Variants in CRAT observed in about 807,000 individuals in gnomAD.
CRAT encodes the protein carnitine O-acetyltransferase.
Under a neutral mutation model 73.7 loss-of-function variants are expected in CRAT, and 66 were observed. The ratio of observed to expected loss-of-function variants is 0.90; its 90% CI spans 0.73 to 1.10. CRAT has a LOEUF of 1.10. CRAT is among the 50% of genes least tolerant of loss of function. The pLI is 0.00. For synonymous variants in CRAT, 321 were observed against 343.2 expected (o/e 0.94, Z 0.71); for missense variants, 745 against 846.9 (o/e 0.88, Z 1.49).
Position 129,098,651 on chromosome 9 carries a change from C to G in CRAT, c.1086-1G>C. The G allele has an allele frequency of 1.2e-6, 2 of 1,601,820 alleles. No individual in the cohort carries two copies. Among genetic ancestry groups the G allele is most frequent in the Non-Finnish European group, 1.7e-6 (2 of 1,176,770 alleles). On this transcript the variant is annotated splice_acceptor_variant, in intron 8 of 13. Coordinates refer to ENST00000318080, the MANE Select transcript of CRAT (RefSeq NM_000755.5). LOFTEE classifies it high-confidence loss of function. Reference sequence around the variant, plus strand: ...AGACCGCACAAGCTCGGGTTTCTTCCTGCACAGTAAACGGGGCCTCAGGCT... The same window carrying G: ...AGACCGCACAAGCTCGGGTTTCTTCGTGCACAGTAAACGGGGCCTCAGGCT...
rs1847426918 is a variant in CRAT, at chr9:129,098,376, G to C, written c.1206-5C>G. 1.1e-5 allele frequency: 17 copies of C among 1,613,596 alleles called. No individual in the cohort carries two copies. The highest frequency in any genetic ancestry group is 1.3e-5 in the Non-Finnish European group (15 of 1,179,854). On this transcript the variant is annotated splice_polypyrimidine_tract_variant and splice_region_variant and intron_variant, in intron 9 of 13. Coordinates refer to ENST00000318080, the MANE Select transcript of CRAT (RefSeq NM_000755.5). ...ATATCCAGGTCCTGGATCATGCTGG[G>C]GGTGTGGGAAGAGCAGGTGAGGAGC...
At chr9:129,098,177 C>A (rs1419793089) in intron 10 of CRAT, 29 bp from the exon 11 acceptor site, 1 of 1,612,990 alleles carries the variant, frequency 6.2e-7, no homozygotes, top group East Asian at 2.2e-5. Context: ...AAGCACGCCC[C>A]TTGGAGGCGG....
Position 129,096,523 on chromosome 9 carries a change from G to A in CRAT, c.1528-388C>T, listed in dbSNP as rs113650560. 4.6e-3 allele frequency among the ~76,000 whole-genome samples: 704 copies of A among 152,348 alleles called. 1 individual carries two copies. Among genetic ancestry groups the A allele is most frequent in the Admixed American group, 7.4e-3 (113 of 15,308 alleles). On this transcript the variant is annotated intron_variant, in intron 12 of 13. Transcript: ENST00000318080. ...CTAAATGGACGTGTGCATGTAGCAC[G>A]GTCAGAGCCTGGACACACAGGTGCT... is the stretch of plus-strand genomic sequence containing the variant.
intron 2 of CRAT, among the ~76,000 whole-genome samples, chr9:129,104,636 G>A (rs1479003344): frequency 6.6e-6 from 1 of 151,180 alleles, no homozygotes; most frequent in Non-Finnish European, 1.5e-5. Flanking sequence ...ACAGGGTCTC[G>A]CTGTGTCATG....
At chr9:129,095,726 T>C in intron 13 of CRAT, 114 bp from the exon 14 acceptor site, 1 of 1,125,536 alleles carries the variant, frequency 8.9e-7, no homozygotes, top group Non-Finnish European at 1.3e-6. Context: ...GGGATCATGG[T>C]CTGTCCCCTG....
rs748007684 is a variant in CRAT, at chr9:129,103,913, TGGA to T, written c.410+272_410+274del. Among the ~76,000 whole-genome samples the T allele has an allele frequency of 6.6e-6, 1 of 152,094 alleles. No homozygotes were observed. Among genetic ancestry groups the T allele is most frequent in the Non-Finnish European group, 1.5e-5 (1 of 68,006 alleles). ...TGGGGTCGGGGAGAAGCCTCAGGTA[TGGA>T]GGAGGATGGGGCCTCTGCGAAGATG... On this transcript the variant is annotated intron_variant, in intron 3 of 13. Coordinates refer to ENST00000318080, the MANE Select transcript of CRAT (RefSeq NM_000755.5). This position sits in a 1 kb window ranked among gnomAD's most constrained non-coding sequence, Gnocchi z 4.6.
In CRAT at chr9:129,106,463, A is replaced by G. The variant is rs1174688824; in HGVS notation, c.291+1351T>C. Among the ~76,000 whole-genome samples the G allele has an allele frequency of 6.6e-6, 1 of 152,142 alleles. No individual in the cohort carries two copies. The highest frequency in any genetic ancestry group is 1.5e-5 in the Non-Finnish European group (1 of 68,026). On this transcript the variant is annotated intron_variant, in intron 2 of 13. Transcript: ENST00000318080. This position sits in a 1 kb window ranked among gnomAD's most constrained non-coding sequence, Gnocchi z 4.0. Reference sequence around the variant, plus strand: ...ACCCCGCAGGTATGGGTACTCCCCCAGCGAGAATCTGCCAGGTGGTGGCGG... The same window carrying G: ...ACCCCGCAGGTATGGGTACTCCCCCGGCGAGAATCTGCCAGGTGGTGGCGG...
In CRAT at chr9:129,107,989, G is replaced by T; in HGVS notation, c.116C>A (p.Pro39His). 6.3e-7 allele frequency: 1 copy of T among 1,596,264 alleles called. No homozygotes were observed. Among genetic ancestry groups the T allele is most frequent in the Non-Finnish European group, 8.5e-7 (1 of 1,173,254 alleles). The change falls in exon 2 of 14, where the codon CCC becomes CAC. Residue 39 changes from proline to histidine, a missense_variant. By Grantham distance (77) the Pro-to-His change is moderately conservative. Transcript: ENST00000318080. This position sits in a 1 kb window ranked among gnomAD's most constrained non-coding sequence, Gnocchi z 5.0. ...KAHQDALPRLPVPPLQQSLDH... is the reference protein window; with the variant it reads ...KAHQDALPRLHVPPLQQSLDH... ...CAGGGACTGCTGGAGAGGGGGCACGGGCAGCCGTGGCAGTGCATCCTGGTG... is the reference window on the plus strand; with the variant it reads ...CAGGGACTGCTGGAGAGGGGGCACGTGCAGCCGTGGCAGTGCATCCTGGTG...
rs552808792 is a variant in CRAT, at chr9:129,095,056, G to A, written c.*341C>T. On this transcript the variant is annotated 3_prime_UTR_variant, in exon 14 of 14. Transcript: ENST00000318080. The stretch of plus-strand genomic sequence containing the variant: ...GGCAGGGAGTGGCCGGGGCTGAGCT[G>A]GTGAGACAAAGAGCTCTTGCCAGTC... 122 of 353,660 alleles carry A rather than the reference G, an allele frequency of 3.4e-4. No individual in the cohort carries two copies. The highest frequency in any genetic ancestry group is 2.4e-3 in the African/African-American group (116 of 48,128). The allele number at this position is 353,660 out of a possible 1,614,324, so 21.9% of individuals were successfully genotyped here.
At position 129,109,335 on chromosome 9, in the gene CRAT, G is replaced by A. The variant is rs370035393; in HGVS notation, c.27+1148C>T. ...CCAGGAAAAGGCCATCAGTGGATGG[G>A]ACAGCCAGAAGCCCTGCCTATTTCC... On this transcript the variant is annotated intron_variant, in intron 1 of 13. Transcript: ENST00000318080. 14 of 1,236,280 alleles carry A rather than the reference G, an allele frequency of 1.1e-5. 1 individual carries two copies. The Admixed American group carries it at 1.2e-4, about 10-fold the overall frequency. The allele number at this position is 1,236,280 out of a possible 1,614,324, so 76.6% of individuals were successfully genotyped here.
intron 11 of CRAT, chr9:129,097,778 C>A: frequency 1.8e-6 from 1 of 570,396 alleles, no homozygotes; most frequent in East Asian, 3.0e-5. Context: ...CAGGGCCTGA[C>A]ATAGGGCAGT....
At chr9:129,099,760 C>T in intron 8 of CRAT, 106 bp downstream of exon 8, 1 of 900,604 alleles carries the variant, frequency 1.1e-6, no homozygotes, top group Non-Finnish European at 1.7e-6. Context: ...AAAACAGATT[C>T]CCAGGCACAA....
intron 8 of CRAT, among the ~76,000 whole-genome samples, chr9:129,099,426 ATTT>A (rs55884891): frequency 4.0e-3 from 486 of 121,258 alleles, no homozygotes; most frequent in Middle Eastern, 9.7e-3. Context: ...ACCTGGCCTA[ATTT>A]TTTTTTTTTT....
intron 1 of CRAT, chr9:129,108,396 C>G: frequency 4.2e-6 from 5 of 1,199,390 alleles, no homozygotes; most frequent in Non-Finnish European, 5.2e-6. Flanking sequence ...GCACAGGCCC[C>G]TCCTTTCTCA....
Position 129,110,436 on chromosome 9 carries a change from C to A in CRAT, c.27+47G>T, listed in dbSNP as rs1210033542. 1 of 1,523,932 alleles carries A rather than the reference C, an allele frequency of 6.6e-7. No individual in the cohort carries two copies. The highest frequency in any genetic ancestry group is 1.4e-5 in the African/African-American group (1 of 69,922). The allele number at this position is 1,523,932 out of a possible 1,614,324, so 94.4% of individuals were successfully genotyped here. A position where few individuals can be genotyped will look rare whatever the true frequency, so the allele number is the denominator to read the frequency against. On this transcript the variant is annotated intron_variant, in intron 1 of 13. Transcript: ENST00000318080. This position sits in a 1 kb window ranked among gnomAD's most constrained non-coding sequence, Gnocchi z 5.3. ...CGTTCCCGGACGCAACCGCACGGCCCGCCCAGGCCGTCCAGGGCCCTCAGG... is the reference window on the plus strand; with the variant it reads ...CGTTCCCGGACGCAACCGCACGGCCAGCCCAGGCCGTCCAGGGCCCTCAGG...
intron 1 of CRAT, 135 bp from the exon 2 acceptor site, chr9:129,108,212 C>T (rs1848143164): frequency 8.1e-7 from 1 of 1,230,688 alleles, no homozygotes; most frequent in Non-Finnish European, 1.1e-6. Context: ...TGGCCCTGGC[C>T]TCCCAGCCCT....
At chr9:129,104,762 A>G (rs939129598) in intron 2 of CRAT, among the ~76,000 whole-genome samples, 53 of 141,204 alleles carry the variant, frequency 3.8e-4, no homozygotes, top group East Asian at 1.1e-3. Context: ...CAGCCACCAC[A>G]CCTGGCTATT....
In CRAT at chr9:129,110,415, C is replaced by T; in HGVS notation, c.27+68G>A. On this transcript the variant is annotated intron_variant, in intron 1 of 13. Transcript: ENST00000318080. The surrounding 1 kb of genome is among the most constrained non-coding windows in gnomAD (Gnocchi z 5.3). ...GCGGCCGCAGGACGCGGTCTCCGTTCCCGGACGCAACCGCACGGCCCGCCC... is the reference window on the plus strand; with the variant it reads ...GCGGCCGCAGGACGCGGTCTCCGTTTCCGGACGCAACCGCACGGCCCGCCC... 6.8e-7 allele frequency: 1 copy of T among 1,463,116 alleles called. No individual in the cohort carries two copies. Among genetic ancestry groups the T allele is most frequent in the Non-Finnish European group, 9.0e-7 (1 of 1,107,002 alleles). 90.6% of individuals were successfully genotyped at this position (1,463,116 alleles called of 1,614,324 possible). A position where few individuals can be genotyped will look rare whatever the true frequency, so the allele number is the denominator to read the frequency against.
At chr9:129,109,747 G>A (rs1848273741) in intron 1 of CRAT, among the ~76,000 whole-genome samples, 1 of 152,164 alleles carries the variant, frequency 6.6e-6, no homozygotes, top group East Asian at 1.9e-4. Context: ...CCCGTAGTGT[G>A]TGTCTGAGAC....
Sources: allele counts gnomAD v4.1 joint callset (sites outside exome capture counted in the v4.1 genomes callset), GRCh38; gene constraint gnomAD v4.1.1; non-coding constraint Gnocchi (gnomAD v3.1); transcripts MANE v1.5; gene names NCBI Gene and HGNC (gene_info 2026-07-23, HGNC 2026-07-21).